ALOX12B: variants seen among roughly 807,000 people sequenced by gnomAD.
ALOX12B encodes arachidonate 12-lipoxygenase, 12R-type.
A neutral mutation model predicts 78.9 loss-of-function variants in ALOX12B; 47 were observed. That is an observed-to-expected ratio of 0.60 (90% CI 0.47 to 0.76). ALOX12B has a LOEUF of 0.76. ALOX12B is among the 30% of genes least tolerant of loss of function. ALOX12B has a pLI of 0.00. For missense variants in ALOX12B, 805 were observed against 922.6 expected, an observed-to-expected ratio of 0.87 and a Z score of 1.65; for synonymous variants, 370 against 374.5, an observed-to-expected ratio of 0.99 and a Z score of 0.14.
In ALOX12B at chr17:8,075,501, T is replaced by A. The variant is rs57869918; in HGVS notation, c.1654+94A>T. 0.17 allele frequency: 262,722 copies of A among 1,592,160 alleles called. 22,665 individuals are homozygous for A. The highest frequency in any genetic ancestry group is 0.18 in the Non-Finnish European group (207,133 of 1,168,522). On this transcript the variant is annotated intron_variant, in intron 12 of 14. Transcript: ENST00000647874. ...CTCCTTCAGTCTACAATAAAATATG[T>A]TCTGATCCAGCCCAGGAGGGCCCTA...
In ALOX12B at chr17:8,080,473, G is replaced by T; in HGVS notation, c.651-135C>A. On this transcript the variant is annotated intron_variant, in intron 5 of 14. Transcript: ENST00000647874. The surrounding 1 kb of genome is among the most constrained non-coding windows in gnomAD (Gnocchi z 4.8). ...GCGTCGCAAAGTCTCTGGGTCCCATGTCTCAAGATCTTTGCATCTCTAGGT... is the reference window on the plus strand; with the variant it reads ...GCGTCGCAAAGTCTCTGGGTCCCATTTCTCAAGATCTTTGCATCTCTAGGT... The T allele has an allele frequency of 1.4e-6, 2 of 1,381,694 alleles. No individual in the cohort carries two copies. Among genetic ancestry groups the T allele is most frequent in the Non-Finnish European group, 1.0e-6 (1 of 977,592 alleles). 85.6% of individuals were successfully genotyped at this position (1,381,694 alleles called of 1,614,324 possible). A position where few individuals can be genotyped will look rare whatever the true frequency, so the allele number is the denominator to read the frequency against.
chr17:8,081,967 C>T (rs1391349940), intron 2 of ALOX12B, among the ~76,000 whole-genome samples: 1 of 152,154 alleles, frequency 6.6e-6, no homozygotes, highest in African/African-American at 2.4e-5. Flanking sequence ...TTTTAACACC[C>T]ATTTATGGGT....
chr17:8,087,540 G>A lies in ALOX12B; in HGVS notation c.-98C>T, dbSNP rs1978306607. 5.0e-6 allele frequency: 8 copies of A among 1,587,518 alleles called. No homozygotes were observed. The highest frequency in any genetic ancestry group is 6.9e-6 in the Non-Finnish European group (8 of 1,165,278). On this transcript the variant is annotated 5_prime_UTR_variant, in exon 1 of 15. Transcript: ENST00000647874. Reference sequence around the variant, plus strand: ...AGGCAAGAGAAGCCAGGCACAGAGTGGAGTGGACAGGGCTGGCCTCCGAGG... The same window carrying A: ...AGGCAAGAGAAGCCAGGCACAGAGTAGAGTGGACAGGGCTGGCCTCCGAGG...
intron 2 of ALOX12B, among the ~76,000 whole-genome samples, chr17:8,085,724 G>T (rs1246151453): frequency 6.6e-6 from 1 of 152,194 alleles, no homozygotes; most frequent in African/African-American, 2.4e-5. Context: ...AGGGAGGACT[G>T]GAGAGGTAGC....
chr17:8,080,662 G>T lies in ALOX12B; in HGVS notation c.646C>A (p.Pro216Thr). 6.2e-7 allele frequency: 1 copy of T among 1,614,142 alleles called. No homozygotes were observed. The change falls in exon 5 of 15, where the codon CCC becomes ACC. Residue 216 changes from proline (P) to threonine (T), a missense_variant. Pro to Thr is a conservative substitution (Grantham distance 38). Coordinates refer to ENST00000647874, the MANE Select transcript of ALOX12B (RefSeq NM_001139.3). The surrounding 1 kb of genome is among the most constrained non-coding windows in gnomAD (Gnocchi z 4.8). ...CCGTCACTCACACGGACTCACATGG[G>T]CCCCAGGCGGACGAAGAAGGAGGCC... Reference protein sequence around the residue: ...KTASFFVRLGPMALAFKVRGL... With the variant: ...KTASFFVRLGTMALAFKVRGL...
At chr17:8,077,682 C>G (rs893097148) in intron 8 of ALOX12B, among the ~76,000 whole-genome samples, 1 of 152,198 alleles carries the variant, frequency 6.6e-6, no homozygotes, top group African/African-American at 2.4e-5. Context: ...TTGGGGGGAC[C>G]TCTGGGAAGG....
chr17:8,079,338 C>G lies in ALOX12B; in HGVS notation c.1071+58G>C. Reference sequence around the variant, plus strand: ...ACGCTCACATAAGCGCGCGCACACTCGGAGGAGCATTCGCGCACACAGAGG... The same window carrying G: ...ACGCTCACATAAGCGCGCGCACACTGGGAGGAGCATTCGCGCACACAGAGG... On this transcript the variant is annotated intron_variant, in intron 8 of 14. Transcript: ENST00000647874. This position sits in a 1 kb window ranked among gnomAD's most constrained non-coding sequence, Gnocchi z 6.4. 1 of 1,546,296 alleles carries G rather than the reference C, an allele frequency of 6.5e-7. No individual in the cohort carries two copies.
intron 11 of ALOX12B, 66 bp downstream of exon 11, chr17:8,076,109 C>T: frequency 1.2e-6 from 2 of 1,603,750 alleles, no homozygotes; most frequent in Admixed American, 3.3e-5. Context: ...CTAGAAGCTC[C>T]CCACACCCTC....
rs1169865464 is a variant in ALOX12B at position 8,077,079 on chromosome 17, T to C, written c.1186A>G (p.Ile396Val). ...RYAEFYSHEA[I>V]AHLLETHLIA... is the part of the protein sequence containing the mutation. The stretch of plus-strand genomic sequence containing the variant: ...AGGTGTGTCTCCAGCAGGTGGGCGA[T>C]GGCCTCGTGGCTGTAGAACTCCGCA... The change falls in exon 9 of 15, where the codon ATC becomes GTC. Residue 396 changes from isoleucine (I) to valine (V), a missense_variant. By Grantham distance (29) the Ile-to-Val change is conservative. Transcript: ENST00000647874. 1 of 1,613,970 alleles carries C rather than the reference T, an allele frequency of 6.2e-7. No homozygotes were observed. The highest frequency in any genetic ancestry group is 1.3e-5 in the African/African-American group (1 of 74,942).
chr17:8,077,141 T>C lies in ALOX12B; in HGVS notation c.1124A>G (p.Glu375Gly). 1 of 1,613,748 alleles carries C rather than the reference T, an allele frequency of 6.2e-7. No homozygotes were observed. ...DCPIFLPSDS[E>G]WDWLLAKTWV... ...CGTCTTGGCTAGCAGCCAGTCCCACTCAGAATCACTGGGCAGGAAGATGGG... is the reference window on the plus strand; with the variant it reads ...CGTCTTGGCTAGCAGCCAGTCCCACCCAGAATCACTGGGCAGGAAGATGGG... The change falls in exon 9 of 15, where the codon GAG (glutamate) becomes GGG (glycine). Residue 375 changes from glutamate to glycine, a missense_variant. Glu to Gly is a moderately conservative substitution (Grantham distance 98). Transcript: ENST00000647874.
At position 8,079,546 on chromosome 17, in the gene ALOX12B, G is replaced by T; in HGVS notation, c.928-7C>A. 1 of 1,550,146 alleles carries T rather than the reference G, an allele frequency of 6.5e-7. No homozygotes were observed. Among genetic ancestry groups the T allele is most frequent in the East Asian group, 2.4e-5 (1 of 40,930 alleles). ...CCAGGTAAATGTTCCCCTTCTGGAG[G>T]GGAGCCGCGATGGGTGGCAAGTAGG... On this transcript the variant is annotated splice_region_variant and splice_polypyrimidine_tract_variant and intron_variant, in intron 7 of 14. Coordinates refer to ENST00000647874, the MANE Select transcript of ALOX12B (RefSeq NM_001139.3). The surrounding 1 kb of genome is among the most constrained non-coding windows in gnomAD (Gnocchi z 6.4).
At chr17:8,084,902 C>T (rs1042803318) in intron 2 of ALOX12B, among the ~76,000 whole-genome samples, 4 of 152,208 alleles carry the variant, frequency 2.6e-5, no homozygotes, top group Admixed American at 6.5e-5. Context: ...CAGCCCACCA[C>T]ACAAGGGGCT....
chr17:8,078,384 G>T (rs1216291007), intron 8 of ALOX12B, among the ~76,000 whole-genome samples: 2 of 133,720 alleles, frequency 1.5e-5, no homozygotes, highest in African/African-American at 5.7e-5. Context: ...CCTGACCTCA[G>T]GTAATCTGCC....
At chr17:8,076,040 C>A (rs1190318734) in intron 11 of ALOX12B, 135 bp downstream of exon 11, 3 of 1,212,090 alleles carry the variant, frequency 2.5e-6, no homozygotes, top group African/African-American at 1.5e-5. Context: ...GACACACAGA[C>A]CCCAGGCCCC....
chr17:8,080,119 GGC>G lies in ALOX12B; in HGVS notation c.754+114_754+115del, dbSNP rs750398351. On this transcript the variant is annotated intron_variant, in intron 6 of 14. Transcript: ENST00000647874. The surrounding 1 kb of genome is among the most constrained non-coding windows in gnomAD (Gnocchi z 4.8). ...GACATTTTCCAAGAAGCCGCCAGAGGGCGCGCGCGCGCCTCGCTGCCTCTCCC... is the reference window on the plus strand; with the variant it reads ...GACATTTTCCAAGAAGCCGCCAGAGGGCGCGCGCGCCTCGCTGCCTCTCCC... The G allele has an allele frequency of 5.4e-5, 79 of 1,468,090 alleles. No individual in the cohort carries two copies. Among genetic ancestry groups the G allele is most frequent in the Non-Finnish European group, 6.4e-5 (67 of 1,052,616 alleles). The allele number at this position is 1,468,090 out of a possible 1,614,324, so 90.9% of individuals were successfully genotyped here.
In ALOX12B at chr17:8,081,160, G is replaced by A. The variant is rs141890029; in HGVS notation, c.380C>T (p.Pro127Leu). The change falls in exon 3 of 15, where the codon CCC becomes CTC. Residue 127 changes from proline (P) to leucine (L), a missense_variant. Pro to Leu is a moderately conservative substitution (Grantham distance 98). Coordinates refer to ENST00000647874, the MANE Select transcript of ALOX12B (RefSeq NM_001139.3). ...CTCTTTTCTGTGCTCCAGGAGGACG[G>A]GGAGCGAGTCATCTGCTGTTGTCTT... ...TGKTTADDSL[P>L]VLLEHRKEEI... is the part of the protein sequence containing the mutation. The A allele has an allele frequency of 1.4e-4, 220 of 1,613,866 alleles. 2 individuals carry two copies. The highest frequency in any genetic ancestry group is 1.0e-3 in the South Asian group (95 of 91,076).
In ALOX12B at chr17:8,080,643, C is replaced by G; in HGVS notation, c.650+15G>C. The G allele has an allele frequency of 6.2e-7, 1 of 1,614,078 alleles. No individual in the cohort carries two copies. The highest frequency in any genetic ancestry group is 8.5e-7 in the Non-Finnish European group (1 of 1,180,004). On this transcript the variant is annotated intron_variant, in intron 5 of 14. Transcript: ENST00000647874. The surrounding 1 kb of genome is among the most constrained non-coding windows in gnomAD (Gnocchi z 4.8). ...TGCAGGAGCCCTCGTTCTCCCGTCA[C>G]TCACACGGACTCACATGGGCCCCAG...
chr17:8,087,394 CCGA>C lies in ALOX12B; in HGVS notation c.46_48del (p.Ser16del), dbSNP rs886053573. ...GTCAGTGAGATGGAGTCCCGTGTTC[CCGA>C]CAAGAGGTCGGTGCCTGTGGCCACC... On this transcript the variant is annotated inframe_deletion, in exon 1 of 15. Transcript: ENST00000647874. 2 of 1,614,122 alleles carry C rather than the reference CCGA, an allele frequency of 1.2e-6. No individual in the cohort carries two copies. The highest frequency in any genetic ancestry group is 1.7e-6 in the Non-Finnish European group (2 of 1,180,050).
chr17:8,080,441 G>A lies in ALOX12B; in HGVS notation c.651-103C>T. On this transcript the variant is annotated intron_variant, in intron 5 of 14. Coordinates refer to ENST00000647874, the MANE Select transcript of ALOX12B (RefSeq NM_001139.3). The surrounding 1 kb of genome is among the most constrained non-coding windows in gnomAD (Gnocchi z 4.8). The stretch of plus-strand genomic sequence containing the variant: ...ATCCACTTAGGTCTCTGGGTCTCAG[G>A]GTCTGTGCGTCGCAAAGTCTCTGGG... 2 of 1,441,564 alleles carry A rather than the reference G, an allele frequency of 1.4e-6. 1 individual carries two copies. The highest frequency in any genetic ancestry group is 2.3e-5 in the South Asian group (2 of 87,276). The allele number at this position is 1,441,564 out of a possible 1,614,324, so 89.3% of individuals were successfully genotyped here.
Sources: gnomAD v4.1 joint callset for allele counts (sites outside exome capture counted in the v4.1 genomes callset) on GRCh38, gnomAD v4.1.1 for gene constraint, Gnocchi (gnomAD v3.1) non-coding constraint, MANE v1.5 for transcripts, NCBI Gene and HGNC (gene_info 2026-07-23, HGNC 2026-07-21) for gene names.